Variants in EIF4E3 observed in about 807,000 individuals in gnomAD.
EIF4E3 encodes eukaryotic translation initiation factor 4E family member 3, also known as eukaryotic translation initiation factor 4E type 3.
A neutral mutation model predicts 31.7 loss-of-function variants in EIF4E3; 26 were observed. The observed-to-expected ratio is 0.82, with a 90% CI of 0.60 to 1.14. The LOEUF is 1.14. EIF4E3 is among the 50% of genes most tolerant of loss of function. The pLI is 0.00. For missense variants in EIF4E3, 304 were observed against 270.9 expected (o/e 1.12, Z -0.86); for synonymous variants, 128 against 107.7 (o/e 1.19, Z -1.17).
chr3:71,714,642 C>A (rs1014486911), intron 1 of EIF4E3, among the ~76,000 whole-genome samples: 1 of 152,196 alleles, frequency 6.6e-6, no homozygotes, highest in African/African-American at 2.4e-5. Context: ...GTTTACCAAG[C>A]AAAATTGGGC....
chr3:71,709,401 A>G (rs2049342733), intron 2 of EIF4E3, among the ~76,000 whole-genome samples: 1 of 152,156 alleles, frequency 6.6e-6, no homozygotes, highest in Admixed American at 6.5e-5. Flanking sequence ...CTTTTTTGAG[A>G]CAAGGTCTTG....
chr3:71,672,239 T>C (rs2048850443), downstream of EIF4E3, among the ~76,000 whole-genome samples: 1 of 152,166 alleles, frequency 6.6e-6, no homozygotes. Flanking sequence ...GCGATTTTTT[T>C]TAACCTCATC....
In EIF4E3 at chr3:71,725,182, G is replaced by GC; in HGVS notation, c.176+9dup. ...CGGGGCCGTGCGCGGCGGGCCCCGC[G>GC]CCCCCTCACCTGTCGAGCCAGAAGG... On this transcript the variant is annotated intron_variant, in intron 1 of 6. Coordinates refer to ENST00000425534, the MANE Select transcript of EIF4E3 (RefSeq NM_001134651.2). This position sits in a 1 kb window ranked among gnomAD's most constrained non-coding sequence, Gnocchi z 6.1. The GC allele has an allele frequency of 2.8e-6, 3 of 1,088,232 alleles. No individual in the cohort carries two copies. Among genetic ancestry groups the GC allele is most frequent in the Non-Finnish European group, 3.3e-6 (3 of 898,682 alleles). 67.4% of individuals were successfully genotyped at this position (1,088,232 alleles called of 1,614,324 possible).
intron 4 of EIF4E3, among the ~76,000 whole-genome samples, chr3:71,694,174 A>T (rs2049102266): frequency 1.3e-5 from 2 of 152,234 alleles, no homozygotes; most frequent in African/African-American, 4.8e-5. Flanking sequence ...AAAGTCTGGT[A>T]AAAGCTAATC....
upstream of EIF4E3, chr3:71,729,131 A>G (rs2049675016): frequency 6.6e-6 from 1 of 152,178 alleles, no homozygotes; most frequent in African/African-American, 2.4e-5. Flanking sequence ...AACTTTCATC[A>G]TCACCATGGC....
chr3:71,668,080 A>T, the EIF4E3 span, among the ~76,000 whole-genome samples: 1 of 152,228 alleles, frequency 6.6e-6, no homozygotes. Flanking sequence ...AACAGAACAG[A>T]GGCCTCAGAA....
At chr3:71,750,375 A>G (rs1300806682) in intron 1 of EIF4E3, among the ~76,000 whole-genome samples, 1 of 152,144 alleles carries the variant, frequency 6.6e-6, no homozygotes, top group Non-Finnish European at 1.5e-5. Flanking sequence ...GAAGGTAGTG[A>G]CCTAGGAGTG....
At chr3:71,662,896 A>G in the EIF4E3 span, among the ~76,000 whole-genome samples, 2 of 152,192 alleles carry the variant, frequency 1.3e-5, no homozygotes, top group African/African-American at 2.4e-5. Context: ...AACCGAGGGA[A>G]GATGGTTTGC....
At chr3:71,673,982 T>C (rs2048859532), downstream of EIF4E3, among the ~76,000 whole-genome samples, 1 of 147,442 alleles carries the variant, frequency 6.8e-6, no homozygotes, top group Non-Finnish European at 1.5e-5. Flanking sequence ...CTTCTCACAA[T>C]TGTCCCCTCA....
At chr3:71,698,419 T>C (rs1048903436) in intron 3 of EIF4E3, among the ~76,000 whole-genome samples, 3 of 152,220 alleles carry the variant, frequency 2.0e-5, no homozygotes, top group African/African-American at 7.2e-5. Flanking sequence ...CAAGGCCTCA[T>C]AGGTGTCCCT....
chr3:71,705,041 G>T (rs1465140125), intron 2 of EIF4E3, among the ~76,000 whole-genome samples: 1 of 152,196 alleles, frequency 6.6e-6, no homozygotes, highest in Non-Finnish European at 1.5e-5. Context: ...ACTATGAAGT[G>T]GACCTGGCTG....
chr3:71,751,675 G>T (rs902403238), intron 1 of EIF4E3, among the ~76,000 whole-genome samples: 2 of 152,196 alleles, frequency 1.3e-5, no homozygotes, highest in Non-Finnish European at 2.9e-5. Flanking sequence ...GATAGCCAAT[G>T]ATATGTTTAA....
rs34592388 is a variant in EIF4E3, at chr3:71,750,766, G to GTT, written c.-291+2695_-291+2696dup. ...GAGACCCCATCTCTACAAATAATTGGTTTTTTTTTTTTTTTGAGACGGAGT... is the reference window on the plus strand; with the variant it reads ...GAGACCCCATCTCTACAAATAATTGGTTTTTTTTTTTTTTTTTGAGACGGAGT... On this transcript the variant is annotated intron_variant, in intron 1 of 7. Coordinates refer to the EIF4E3 transcript ENST00000295612. Among the ~76,000 whole-genome samples, 84 of 146,862 alleles carry GTT rather than the reference G, an allele frequency of 5.7e-4. No homozygotes were observed. In the Middle Eastern group the frequency reaches 0.011, roughly 18 times the overall value.
chr3:71,725,358 G>T lies in EIF4E3; in HGVS notation c.10C>A (p.Pro4Thr), dbSNP rs929661051. Residue 4 changes from proline (P) to threonine (T), a missense_variant, in exon 1 of 7, where the codon CCC becomes ACC. Physicochemically the swap from Pro to Thr is conservative, Grantham distance 38. Coordinates refer to ENST00000425534, the MANE Select transcript of EIF4E3 (RefSeq NM_001134651.2). This position sits in a 1 kb window ranked among gnomAD's most constrained non-coding sequence, Gnocchi z 6.1. The part of the protein sequence containing the change: MAL[P>T]PAAAPPAGAR... ...CCGGCGGGGGGCGCGGCGGCCGGGG[G>T]CAGCGCCATTTTCTCCGCCCCGCCT... 1.3e-5 allele frequency: 13 copies of T among 976,882 alleles called. No individual in the cohort carries two copies. Among genetic ancestry groups the T allele is most frequent in the Non-Finnish European group, 1.6e-5 (13 of 825,208 alleles). 60.5% of individuals were successfully genotyped at this position (976,882 alleles called of 1,614,324 possible).
At chr3:71,692,552 A>G (rs745317799) in intron 5 of EIF4E3, among the ~76,000 whole-genome samples, 2 of 151,992 alleles carry the variant, frequency 1.3e-5, no homozygotes, top group Non-Finnish European at 2.9e-5. Flanking sequence ...CTATTAAAAC[A>G]GAAGGAATCT....
At chr3:71,670,089 G>A in the EIF4E3 span, among the ~76,000 whole-genome samples, 2 of 152,108 alleles carry the variant, frequency 1.3e-5, no homozygotes, top group African/African-American at 2.4e-5. Flanking sequence ...TCTATCAGCG[G>A]GACTAGTGAC....
intron 1 of EIF4E3, among the ~76,000 whole-genome samples, chr3:71,719,239 CT>C (rs1450738032): frequency 6.6e-6 from 1 of 152,206 alleles, no homozygotes; most frequent in Non-Finnish European, 1.5e-5. Context: ...TGTTTGCAAT[CT>C]TATAACCTGG....
chr3:71,708,645 G>T (rs1209216796), intron 2 of EIF4E3, among the ~76,000 whole-genome samples: 1 of 151,942 alleles, frequency 6.6e-6, no homozygotes, highest in Non-Finnish European at 1.5e-5. Context: ...AGAACCCCTT[G>T]CATAACCCTG....
At chr3:71,666,159 T>G in the EIF4E3 span, among the ~76,000 whole-genome samples, 1 of 152,154 alleles carries the variant, frequency 6.6e-6, no homozygotes. Flanking sequence ...ATCCAGGAGC[T>G]GGTTTTTTGA....
Sources: allele counts gnomAD v4.1 joint callset (sites outside exome capture counted in the v4.1 genomes callset), GRCh38; gene constraint gnomAD v4.1.1; non-coding constraint Gnocchi (gnomAD v3.1); transcripts MANE v1.5; gene names NCBI Gene and HGNC (gene_info 2026-07-23, HGNC 2026-07-21).